The following ASTN2 variants were observed in gnomAD, a reference collection of about 807,000 sequenced individuals.
ASTN2 encodes the protein astrotactin-2.
Under a neutral mutation model 139.8 loss-of-function variants are expected in ASTN2, and 54 were observed. The ratio of observed to expected loss-of-function variants is 0.39; its 90% CI spans 0.31 to 0.48. The LOEUF is 0.48. Ranked by LOEUF, ASTN2 falls within the 20% of genes least tolerant of loss-of-function variation. The pLI is 0.95. For missense variants in ASTN2, 1,565 were observed against 1,725.1 expected, an observed-to-expected ratio of 0.91 and a Z score of 1.64; for synonymous variants, 756 against 719.5, an observed-to-expected ratio of 1.05 and a Z score of -0.81.
At chr9:116,927,917 T>A (rs994088714) in intron 10 of ASTN2, among the ~76,000 whole-genome samples, 1 of 152,230 alleles carries the variant, frequency 6.6e-6, no homozygotes, top group African/African-American at 2.4e-5. Context: ...TTTCTTCCCT[T>A]TGGGAAATCA....
At chr9:117,330,138 G>T (rs1587953410) in intron 1 of ASTN2, among the ~76,000 whole-genome samples, 1 of 152,108 alleles carries the variant, frequency 6.6e-6, no homozygotes, top group Admixed American at 6.5e-5. Flanking sequence ...GAAGCTGATG[G>T]GGCTGGAGTG....
chr9:116,933,979 C>CTTTTTTTTTTGTTTTTTTTTT (rs1834987596), intron 10 of ASTN2, among the ~76,000 whole-genome samples: 1 of 86,910 alleles, frequency 1.2e-5, no homozygotes, highest in South Asian at 3.5e-4. Flanking sequence ...AGTGTTAGTC[C>CTTTTTTTTTTGTTTTTTTTTT]TTTTTTTTTT....
At chr9:116,811,818 C>T (rs536357361) in intron 12 of ASTN2, among the ~76,000 whole-genome samples, 103 of 152,028 alleles carry the variant, frequency 6.8e-4, no homozygotes, top group Non-Finnish European at 1.3e-3. Context: ...TTTACATATC[C>T]CAGGAAGTAT....
intron 15 of ASTN2, among the ~76,000 whole-genome samples, chr9:116,726,924 T>G (rs1828641193): frequency 6.6e-6 from 1 of 152,148 alleles, no homozygotes. Context: ...CACTAAGTTT[T>G]AGCTCCAGCC....
chr9:117,330,375 C>T (rs543446407), intron 1 of ASTN2, among the ~76,000 whole-genome samples: 2 of 152,318 alleles, frequency 1.3e-5, no homozygotes, highest in East Asian at 3.9e-4. Context: ...AAGCTCTTCA[C>T]CTGAGTCCCT....
chr9:116,699,499 G>A lies in ASTN2; in HGVS notation c.2806+26272C>T, dbSNP rs866695848. ...ATTGCTGGCATGTGTGTGGATGCTC[G>A]TGGTGATCTCATCGTGGCTGACAGT... On this transcript the variant is annotated intron_variant, in intron 16 of 22. Transcript: ENST00000313400. This position sits in a 1 kb window ranked among gnomAD's most constrained non-coding sequence, Gnocchi z 4.2. 6.8e-6 allele frequency: 11 copies of A among 1,613,980 alleles called. No homozygotes were observed. Among genetic ancestry groups the A allele is most frequent in the East Asian group, 4.5e-5 (2 of 44,876 alleles).
At chr9:116,459,340 C>A (rs979510173) in intron 20 of ASTN2, among the ~76,000 whole-genome samples, 1 of 151,988 alleles carries the variant, frequency 6.6e-6, no homozygotes, top group African/African-American at 2.4e-5. Context: ...ATCTTTAAGA[C>A]CTTGGATTAG....
intron 16 of ASTN2, among the ~76,000 whole-genome samples, chr9:116,721,503 A>G (rs1371688571): frequency 2.0e-5 from 3 of 152,192 alleles, no homozygotes; most frequent in African/African-American, 7.2e-5. Context: ...GAAGCATGTA[A>G]TGAAAGTATT....
chr9:116,680,806 C>A (rs950214413), intron 16 of ASTN2, among the ~76,000 whole-genome samples: 2 of 152,146 alleles, frequency 1.3e-5, no homozygotes, highest in Non-Finnish European at 2.9e-5. Context: ...CAGAAAAGGC[C>A]TTTGACAAAA....
At chr9:116,920,282 C>T (rs1016176589) in intron 10 of ASTN2, among the ~76,000 whole-genome samples, 1 of 152,198 alleles carries the variant, frequency 6.6e-6, no homozygotes, top group African/African-American at 2.4e-5. Context: ...GTAGGGCCAG[C>T]TGGCTTTGCT....
intron 19 of ASTN2, among the ~76,000 whole-genome samples, chr9:116,588,614 A>C (rs751913553): frequency 6.6e-6 from 1 of 151,460 alleles, no homozygotes; most frequent in Non-Finnish European, 1.5e-5. Context: ...GTCTTCATCA[A>C]TAAAATGGGA....
In ASTN2 at chr9:116,567,690, G is replaced by T. The variant is rs773780002; in HGVS notation, c.3355+50634C>A. ...TGGTTTAAATAAGAGACATAAAGTA[G>T]TGGTGTGGGAACTATTTCACGAAGA... On this transcript the variant is annotated intron_variant, in intron 19 of 22. Coordinates refer to ENST00000313400, the MANE Select transcript of ASTN2 (RefSeq NM_001365068.1). 7.9e-5 allele frequency among the ~76,000 whole-genome samples: 12 copies of T among 152,260 alleles called. No homozygotes were observed. In the South Asian group the frequency reaches 2.5e-3, roughly 32 times the overall value.
At chr9:116,441,372 TG>T (rs1375173423) in intron 21 of ASTN2, among the ~76,000 whole-genome samples, 1 of 152,024 alleles carries the variant, frequency 6.6e-6, no homozygotes, top group Non-Finnish European at 1.5e-5. Flanking sequence ...TCAAAAACCC[TG>T]TCAAAATCTG....
intron 1 of ASTN2, among the ~76,000 whole-genome samples, chr9:117,334,423 G>T (rs200604654): frequency 2.0e-5 from 3 of 151,638 alleles, no homozygotes; most frequent in Non-Finnish European, 4.4e-5. Flanking sequence ...TTTAATATGC[G>T]GAAAACAACA....
At chr9:116,966,897 C>A (rs1023682743) in intron 10 of ASTN2, among the ~76,000 whole-genome samples, 2 of 152,152 alleles carry the variant, frequency 1.3e-5, no homozygotes, top group African/African-American at 4.8e-5. Context: ...TCCAATGAAC[C>A]TATTCCTCCA....
At chr9:116,648,319 G>C (rs781380562) in intron 17 of ASTN2, among the ~76,000 whole-genome samples, 11 of 151,830 alleles carry the variant, frequency 7.2e-5, no homozygotes, top group Non-Finnish European at 1.6e-4. Context: ...TTTCAGAAAT[G>C]GTGGTCTCCC....
At chr9:117,337,354 G>A (rs1357019430) in intron 1 of ASTN2, among the ~76,000 whole-genome samples, 1 of 152,070 alleles carries the variant, frequency 6.6e-6, no homozygotes, top group Non-Finnish European at 1.5e-5. Context: ...GCACATTAAG[G>A]CCTATCCTAA....
At chr9:116,524,934 A>G (rs942424824) in intron 19 of ASTN2, among the ~76,000 whole-genome samples, 2 of 152,222 alleles carry the variant, frequency 1.3e-5, no homozygotes, top group African/African-American at 2.4e-5. Context: ...ACTGGTATAA[A>G]GATACCTGAA....
At chr9:117,285,054 G>T (rs1263327007) in intron 2 of ASTN2, among the ~76,000 whole-genome samples, 1 of 152,154 alleles carries the variant, frequency 6.6e-6, no homozygotes, top group Non-Finnish European at 1.5e-5. Context: ...GCATTATTAA[G>T]ATTCTTCAAT....
Sources: allele counts gnomAD v4.1 joint callset (sites outside exome capture counted in the v4.1 genomes callset), GRCh38; gene constraint gnomAD v4.1.1; non-coding constraint Gnocchi (gnomAD v3.1); transcripts MANE v1.5; gene names NCBI Gene and HGNC (gene_info 2026-07-23, HGNC 2026-07-21).